ALK: variants seen among roughly 807,000 people sequenced by gnomAD.
The protein encoded by ALK is ALK receptor tyrosine kinase.
A neutral mutation model predicts 163.1 loss-of-function variants in ALK; 74 were observed. The observed-to-expected ratio is 0.45, with a 90% confidence interval of 0.38 to 0.55. ALK has a LOEUF of 0.55. Ranked by LOEUF, ALK falls within the 20% of genes least tolerant of loss-of-function variation. The probability of loss-of-function intolerance (pLI) is 0.00; values close to 1 mark genes in which losing one functional copy is unlikely to be tolerated. For synonymous variants in ALK, 960 were observed against 843.2 expected (o/e 1.14, Z -2.40); for missense variants, 2,063 against 2,105.3 (o/e 0.98, Z 0.39).
chr2:29,368,124 C>T lies in ALK; in HGVS notation c.1282+15608G>A, dbSNP rs373304928. ...TTTAGCAGGAGGGAAAAATAACAGA[C>T]GCTAAAGTCAAATAGGCTGTGGCAC... is the stretch of plus-strand genomic sequence containing the variant. On this transcript the variant is annotated intron_variant, in intron 5 of 28. Transcript: ENST00000389048. 2.0e-4 allele frequency among the ~76,000 whole-genome samples: 30 copies of T among 152,278 alleles called. 1 individual carries two copies. The highest frequency in any genetic ancestry group is 5.8e-4 in the East Asian group (3 of 5,180).
At chr2:29,760,329 C>G (rs988169169) in intron 1 of ALK, among the ~76,000 whole-genome samples, 1 of 152,202 alleles carries the variant, frequency 6.6e-6, no homozygotes, top group Non-Finnish European at 1.5e-5. Flanking sequence ...TCCAGGCAAG[C>G]TATTTAACCC....
intron 1 of ALK, among the ~76,000 whole-genome samples, chr2:29,765,585 T>A (rs1368505084): frequency 1.3e-5 from 2 of 152,174 alleles, no homozygotes; most frequent in Non-Finnish European, 2.9e-5. Context: ...ATGCTGGGAT[T>A]ACAGGCATAA....
At chr2:29,219,561 G>A (rs76873866) in intron 23 of ALK, among the ~76,000 whole-genome samples, 5 of 152,302 alleles carry the variant, frequency 3.3e-5, no homozygotes, top group East Asian at 1.9e-4. Flanking sequence ...ACAGTGGTTC[G>A]TTGAGGAAGC....
chr2:29,821,433 A>C (rs1242828769), intron 1 of ALK, among the ~76,000 whole-genome samples: 1 of 152,008 alleles, frequency 6.6e-6, no homozygotes, highest in East Asian at 1.9e-4. Flanking sequence ...AATTTTGATA[A>C]ATCTCTCTTG....
rs1452461214 is a variant in ALK at position 29,226,975 on chromosome 2, A to G, written c.3014T>C (p.Ile1005Thr). Residue 1005 changes from isoleucine to threonine, a missense_variant, in exon 18 of 29, where the codon ATC (isoleucine) becomes ACC (threonine). Coordinates refer to ENST00000389048, the MANE Select transcript of ALK (RefSeq NM_004304.5). ...CHMDPESHKV[I>T]CFCDHGTVLA... is the part of the protein sequence containing the mutation. ...CACCGTCCCGTGGTCACAGAAGCAGATGACCTTGTGGCTTTCAGGGTCCAT... is the reference window on the plus strand; with the variant it reads ...CACCGTCCCGTGGTCACAGAAGCAGGTGACCTTGTGGCTTTCAGGGTCCAT... The G allele has an allele frequency of 5.0e-6, 8 of 1,614,118 alleles. No individual in the cohort carries two copies. Among genetic ancestry groups the G allele is most frequent in the Non-Finnish European group, 5.9e-6 (7 of 1,180,054 alleles).
intron 26 of ALK, among the ~76,000 whole-genome samples, chr2:29,202,994 T>C (rs1181566377): frequency 6.6e-6 from 1 of 152,242 alleles, no homozygotes; most frequent in Non-Finnish European, 1.5e-5. Context: ...AGTTATTCTC[T>C]GTCTCTGGAT....
chr2:29,413,152 T>C (rs1055700656), intron 4 of ALK, among the ~76,000 whole-genome samples: 1 of 152,158 alleles, frequency 6.6e-6, no homozygotes, highest in Non-Finnish European at 1.5e-5. Flanking sequence ...TTAGGGACCA[T>C]GATGAACAAA....
At chr2:29,705,133 G>A (rs750364804) in intron 2 of ALK, among the ~76,000 whole-genome samples, 41 of 149,906 alleles carry the variant, frequency 2.7e-4, no homozygotes, top group Admixed American at 1.4e-3. Context: ...CAGGAGAATC[G>A]CTTGAACTCG....
At chr2:29,487,638 T>C (rs1050613289) in intron 4 of ALK, among the ~76,000 whole-genome samples, 4 of 152,164 alleles carry the variant, frequency 2.6e-5, no homozygotes, top group African/African-American at 4.8e-5. Flanking sequence ...AATAGAAATA[T>C]AGGGTTACTG....
chr2:29,699,803 T>A (rs1436902022), intron 2 of ALK, among the ~76,000 whole-genome samples: 1 of 152,222 alleles, frequency 6.6e-6, no homozygotes, highest in African/African-American at 2.4e-5. Flanking sequence ...CATTGTCACT[T>A]ACTTTCTTGT....
chr2:29,703,121 A>G (rs1333156179), intron 2 of ALK, among the ~76,000 whole-genome samples: 1 of 152,218 alleles, frequency 6.6e-6, no homozygotes, highest in African/African-American at 2.4e-5. Flanking sequence ...GCATCTGAAA[A>G]CAGAATTATC....
chr2:29,741,701 G>A (rs150294053), intron 1 of ALK, among the ~76,000 whole-genome samples: 3 of 152,248 alleles, frequency 2.0e-5, no homozygotes, highest in Non-Finnish European at 4.4e-5. Flanking sequence ...CTTAGAAGTA[G>A]AGAATCATTT....
chr2:29,473,853 CAAAACA>C (rs61386576), intron 4 of ALK, among the ~76,000 whole-genome samples: 77 of 150,896 alleles, frequency 5.1e-4, no homozygotes, highest in Non-Finnish European at 9.9e-4. Context: ...GAGACTTTGT[CAAAACA>C]AAAACAAAAA....
chr2:29,908,790 A>G (rs374755834), intron 1 of ALK, among the ~76,000 whole-genome samples: 1 of 152,144 alleles, frequency 6.6e-6, no homozygotes, highest in Non-Finnish European at 1.5e-5. Context: ...CTATCCAACT[A>G]CTATAACCAG....
chr2:29,329,675 C>T (rs968492220), intron 5 of ALK, among the ~76,000 whole-genome samples: 2 of 152,230 alleles, frequency 1.3e-5, no homozygotes, highest in African/African-American at 4.8e-5. Context: ...TCAAACTCAA[C>T]TGATTCTGAT....
intron 4 of ALK, among the ~76,000 whole-genome samples, chr2:29,489,618 A>T (rs1671854451): frequency 6.6e-6 from 1 of 152,224 alleles, no homozygotes; most frequent in Non-Finnish European, 1.5e-5. Flanking sequence ...ATGTTATATT[A>T]ATCTGATGTT....
chr2:29,533,440 T>C (rs1673170517), intron 3 of ALK, among the ~76,000 whole-genome samples: 1 of 152,166 alleles, frequency 6.6e-6, no homozygotes, highest in Non-Finnish European at 1.5e-5. Flanking sequence ...AAAGTCTTAG[T>C]TTGAAAGTTA....
chr2:29,885,226 A>G (rs1002169339), intron 1 of ALK, among the ~76,000 whole-genome samples: 7 of 152,178 alleles, frequency 4.6e-5, no homozygotes, highest in Admixed American at 6.5e-5. Flanking sequence ...AAGTTCAACA[A>G]TGAAGGCACT....
rs922082568 is a variant in ALK, at chr2:29,737,107, A to G, written c.668-19410T>C. On this transcript the variant is annotated intron_variant, in intron 1 of 28. Transcript: ENST00000389048. ...TTTGTAGAAATTTATGTGTTGATGT[A>G]GAAGTATTTTTTACAAATATGTTAA... Among the ~76,000 whole-genome samples, 7 of 152,142 alleles carry G rather than the reference A, an allele frequency of 4.6e-5. 1 individual carries two copies. Among genetic ancestry groups the G allele is most frequent in the South Asian group, 2.1e-4 (1 of 4,834 alleles).
Sources: gnomAD v4.1 joint callset for allele counts (sites outside exome capture counted in the v4.1 genomes callset) on GRCh38, gnomAD v4.1.1 for gene constraint, MANE v1.5 for transcripts, NCBI Gene and HGNC (gene_info 2026-07-23, HGNC 2026-07-21) for gene names.